Variants in PTPRK observed in about 807,000 individuals in gnomAD.
The protein encoded by PTPRK is protein tyrosine phosphatase receptor type K.
PTPRK carries 75 observed loss-of-function variants against 178.0 expected under a neutral mutation model. That is an observed-to-expected ratio of 0.42 (90% CI 0.35 to 0.51). The LOEUF is 0.51. Ranked by LOEUF, PTPRK falls within the 20% of genes least tolerant of loss-of-function variation. The probability of loss-of-function intolerance (pLI) is 0.02; values close to 1 mark genes in which losing one functional copy is unlikely to be tolerated. For missense variants in PTPRK, 1,441 were observed against 1,797.8 expected (o/e 0.80, Z 3.59); for synonymous variants, 637 against 620.6 (o/e 1.03, Z -0.39).
chr6:128,291,654 G>A (rs1408673736), intron 3 of PTPRK, among the ~76,000 whole-genome samples: 2 of 152,054 alleles, frequency 1.3e-5, no homozygotes, highest in Admixed American at 6.6e-5. Context: ...TGGTTATAAT[G>A]AGCAATCTCT....
chr6:128,167,803 A>C (rs1478112376), intron 7 of PTPRK, among the ~76,000 whole-genome samples: 1 of 151,994 alleles, frequency 6.6e-6, no homozygotes, highest in Non-Finnish European at 1.5e-5. Flanking sequence ...CTGATGATTC[A>C]CCTTCTTAAT....
intron 1 of PTPRK, among the ~76,000 whole-genome samples, chr6:128,476,572 A>G (rs1851401369): frequency 6.6e-6 from 1 of 152,078 alleles, no homozygotes; most frequent in Non-Finnish European, 1.5e-5. Flanking sequence ...TAAACAATAC[A>G]CTGGAGAATC....
At chr6:128,044,610 C>T (rs1389847035) in intron 13 of PTPRK, among the ~76,000 whole-genome samples, 5 of 150,400 alleles carry the variant, frequency 3.3e-5, no homozygotes, top group Non-Finnish European at 7.4e-5. Context: ...TGTTCCTTCT[C>T]CTTGGTAAGC....
chr6:128,059,723 G>A (rs1780502500), intron 13 of PTPRK, among the ~76,000 whole-genome samples: 1 of 152,102 alleles, frequency 6.6e-6, no homozygotes, highest in African/African-American at 2.4e-5. Flanking sequence ...AGGGTAATAG[G>A]TCAGAAATCT....
rs115419788 is a variant in PTPRK at position 128,169,340 on chromosome 6, A to C, written c.1162+15092T>G. On this transcript the variant is annotated intron_variant, in intron 7 of 29. Coordinates refer to ENST00000368226, the MANE Select transcript of PTPRK (RefSeq NM_002844.4). Reference sequence around the variant, plus strand: ...TATTTTAACATATACAATAAAAAATAAACAGACCCAAGCCTAAGTTAGAAA... The same window carrying C: ...TATTTTAACATATACAATAAAAAATCAACAGACCCAAGCCTAAGTTAGAAA... Among the ~76,000 whole-genome samples, 517 of 152,206 alleles carry C rather than the reference A, an allele frequency of 3.4e-3. 4 individuals are homozygous for C. Among genetic ancestry groups the C allele is most frequent in the African/African-American group, 0.012 (488 of 41,550 alleles).
chr6:128,187,979 G>A (rs1803064168), intron 6 of PTPRK, among the ~76,000 whole-genome samples: 1 of 152,012 alleles, frequency 6.6e-6, no homozygotes, highest in South Asian at 2.1e-4. Context: ...AATAAATTAT[G>A]CATGAATTTT....
Position 128,082,576 on chromosome 6 carries a change from A to G in PTPRK, c.1638T>C (p.Thr546=), listed in dbSNP as rs763488824. The G allele has an allele frequency of 2.5e-6, 4 of 1,612,822 alleles. No individual in the cohort carries two copies. The highest frequency in any genetic ancestry group is 2.2e-5 in the East Asian group (1 of 44,872). The change falls in exon 10 of 30, where the codon ACT becomes ACC. Residue 546 remains threonine (T), a synonymous_variant. Coordinates refer to ENST00000368226, the MANE Select transcript of PTPRK (RefSeq NM_002844.4). Reference sequence around the variant, plus strand: ...GTGTACTGTTCCATAAATTTGATACAGTCTGGGGAGGTCCAGCCACTGGAA... The same window carrying G: ...GTGTACTGTTCCATAAATTTGATACGGTCTGGGGAGGTCCAGCCACTGGAA... ...PAVPVAGPPQ[T]VSNLWNSTHH...
At position 128,294,126 on chromosome 6, in the gene PTPRK, A is replaced by G. The variant is rs1267929813; in HGVS notation, c.495+27913T>C. On this transcript the variant is annotated intron_variant, in intron 3 of 29. Transcript: ENST00000368226. ...TTATGTTTGATACATTAGTAAACTAAGTACATTATTTAAATGTACACTGTA... is the reference window on the plus strand; with the variant it reads ...TTATGTTTGATACATTAGTAAACTAGGTACATTATTTAAATGTACACTGTA... Among the ~76,000 whole-genome samples the G allele has an allele frequency of 2.6e-5, 4 of 152,194 alleles. No individual in the cohort carries two copies. In the East Asian group the frequency reaches 7.7e-4, roughly 29 times the overall value.
rs144379138 is a variant in PTPRK, at chr6:128,373,862, C to T, written c.223+23704G>A. Among the ~76,000 whole-genome samples, 300 of 152,140 alleles carry T rather than the reference C, an allele frequency of 2.0e-3. 1 individual carries two copies. Among genetic ancestry groups the T allele is most frequent in the African/African-American group, 7.0e-3 (292 of 41,512 alleles). ...CAGTAGTTATCATTCTCTTGAGCAA[C>T]AAAATTGTTTCTATTAATATTTGAT... is the stretch of plus-strand genomic sequence containing the variant. On this transcript the variant is annotated intron_variant, in intron 2 of 29. Coordinates refer to ENST00000368226, the MANE Select transcript of PTPRK (RefSeq NM_002844.4).
chr6:128,518,947 T>C (rs1191302112), intron 1 of PTPRK: 8 of 466,848 alleles, frequency 1.7e-5, no homozygotes, highest in Non-Finnish European at 3.5e-5. Context: ...ACAATTTGAG[T>C]TTATTTCCAG....
At chr6:128,260,788 A>C (rs999379356) in intron 3 of PTPRK, among the ~76,000 whole-genome samples, 3 of 152,176 alleles carry the variant, frequency 2.0e-5, no homozygotes, top group Non-Finnish European at 4.4e-5. Flanking sequence ...ACATTCACTG[A>C]ACTTTCATGT....
chr6:128,040,077 C>A (rs577598918), intron 13 of PTPRK, among the ~76,000 whole-genome samples: 1 of 152,098 alleles, frequency 6.6e-6, no homozygotes, highest in Non-Finnish European at 1.5e-5. Flanking sequence ...AGAGAAAATG[C>A]CTGAATTAGA....
intron 6 of PTPRK, among the ~76,000 whole-genome samples, chr6:128,194,076 TTA>T (rs1369611754): frequency 2.1e-5 from 3 of 145,958 alleles, no homozygotes; most frequent in African/African-American, 7.5e-5. Flanking sequence ...ATTATTATTA[TTA>T]TTATTATTAT....
chr6:128,495,640 C>T (rs958629721), intron 1 of PTPRK, among the ~76,000 whole-genome samples: 4 of 152,264 alleles, frequency 2.6e-5, no homozygotes, highest in Non-Finnish European at 5.9e-5. Flanking sequence ...CAATGTCCTC[C>T]TAACTGGTCT....
chr6:128,241,183 A>T (rs1010181866), intron 4 of PTPRK: 1 of 529,816 alleles, frequency 1.9e-6, no homozygotes, highest in Non-Finnish European at 3.9e-6. Flanking sequence ...GGTATATATA[A>T]TCTGACCCTT....
intron 1 of PTPRK, among the ~76,000 whole-genome samples, chr6:128,436,314 G>A (rs1300136536): frequency 6.6e-6 from 1 of 152,028 alleles, no homozygotes; most frequent in Non-Finnish European, 1.5e-5. Flanking sequence ...CCAACTGAAG[G>A]AAACTTTTAC....
chr6:128,039,713 AT>A (rs1427731016), intron 13 of PTPRK, among the ~76,000 whole-genome samples: 1 of 152,196 alleles, frequency 6.6e-6, no homozygotes, highest in Non-Finnish European at 1.5e-5. Context: ...GTCACAGCTC[AT>A]GATTTAACAC....
chr6:128,192,256 T>C (rs1353315639), intron 6 of PTPRK, among the ~76,000 whole-genome samples: 4 of 152,008 alleles, frequency 2.6e-5, no homozygotes, highest in Non-Finnish European at 2.9e-5. Flanking sequence ...AGCATACCCC[T>C]GAAAAAACAA....
intron 2 of PTPRK, among the ~76,000 whole-genome samples, chr6:128,323,390 A>T (rs943831178): frequency 3.3e-5 from 5 of 152,150 alleles, no homozygotes; most frequent in Admixed American, 6.6e-5. Context: ...ATTGTAAAAT[A>T]TCTTTTTTCT....
Sources: allele counts gnomAD v4.1 joint callset (sites outside exome capture counted in the v4.1 genomes callset), GRCh38; gene constraint gnomAD v4.1.1; transcripts MANE v1.5; gene names NCBI Gene and HGNC (gene_info 2026-07-23, HGNC 2026-07-21).